RPS6KA5: variants seen among roughly 807,000 people sequenced by gnomAD.
The protein encoded by RPS6KA5 is ribosomal protein S6 kinase alpha-5.
Under a neutral mutation model 85.5 loss-of-function variants are expected in RPS6KA5, and 27 were observed. That is an observed-to-expected ratio of 0.32 (90% CI 0.23 to 0.44). The LOEUF is 0.44. RPS6KA5 is among the 20% of genes least tolerant of loss of function. RPS6KA5 has a pLI of 1.00. For synonymous variants in RPS6KA5, 334 were observed against 348.2 expected, an observed-to-expected ratio of 0.96 and a Z score of 0.46; for missense variants, 811 against 980.9, an observed-to-expected ratio of 0.83 and a Z score of 2.31.
At chr14:91,025,811 T>TAA (rs71117398) in intron 1 of RPS6KA5, among the ~76,000 whole-genome samples, 2,905 of 143,550 alleles carry the variant, frequency 0.02, 65 homozygotes, top group African/African-American at 0.066. Flanking sequence ...CTTTTTCTCT[T>TAA]AAAAAAAAAA....
chr14:91,003,377 T>C (rs932920447), intron 1 of RPS6KA5, among the ~76,000 whole-genome samples: 1 of 152,228 alleles, frequency 6.6e-6, no homozygotes, highest in African/African-American at 2.4e-5. Flanking sequence ...ATAAATTAAT[T>C]ACACTTTCTT....
At position 90,925,958 on chromosome 14, in the gene RPS6KA5, A is replaced by G. The variant is rs867031558; in HGVS notation, c.619-2762T>C. Among the ~76,000 whole-genome samples the G allele has an allele frequency of 6.3e-3, 940 of 149,502 alleles. 9 individuals are homozygous for G. The highest frequency in any genetic ancestry group is 0.021 in the African/African-American group (834 of 40,138). ...CCCTGACTCAAAAAAAAAAAAAAAA[A>G]AAAAGAAAAGAAAAGAAGAAAAAGA... is the stretch of plus-strand genomic sequence containing the variant. On this transcript the variant is annotated intron_variant, in intron 5 of 16. Transcript: ENST00000614987.
chr14:90,900,291 A>C (rs761621199), intron 10 of RPS6KA5, 50 bp from the exon 11 acceptor site: 1 of 1,361,206 alleles, frequency 7.3e-7, no homozygotes, highest in Non-Finnish European at 9.9e-7. Context: ...AGTAATACAC[A>C]AAGGATCAAT....
intron 1 of RPS6KA5, among the ~76,000 whole-genome samples, chr14:91,035,915 C>T (rs1411782919): frequency 8.2e-6 from 1 of 121,500 alleles, no homozygotes; most frequent in Non-Finnish European, 1.7e-5. Flanking sequence ...ATACAACACT[C>T]CAAACTGAAT....
intron 7 of RPS6KA5, among the ~76,000 whole-genome samples, chr14:90,915,380 T>G (rs1372871344): frequency 2.0e-5 from 3 of 152,212 alleles, no homozygotes; most frequent in African/African-American, 7.2e-5. Context: ...AGGCATCCCA[T>G]CTTCCTAGTG....
At chr14:90,900,050 T>C in intron 11 of RPS6KA5, 58 bp downstream of exon 11, 1 of 1,371,050 alleles carries the variant, frequency 7.3e-7, no homozygotes, top group Non-Finnish European at 9.8e-7. Context: ...TAAATATCTT[T>C]TAATTTACAG....
At chr14:90,968,333 G>A (rs2039168256) in intron 3 of RPS6KA5, among the ~76,000 whole-genome samples, 1 of 152,006 alleles carries the variant, frequency 6.6e-6, no homozygotes, top group African/African-American at 2.4e-5. Context: ...AAGGACCCTT[G>A]TGGTTACATT....
intron 3 of RPS6KA5, among the ~76,000 whole-genome samples, chr14:90,967,593 A>G (rs551155665): frequency 3.3e-5 from 5 of 152,348 alleles, no homozygotes; most frequent in Admixed American, 1.3e-4. Context: ...AAGTACTACC[A>G]GGGTCTAATT....
intron 5 of RPS6KA5, among the ~76,000 whole-genome samples, chr14:90,931,506 TTTTTG>T (rs1334233400): frequency 1.3e-5 from 2 of 152,166 alleles, no homozygotes; most frequent in Non-Finnish European, 2.9e-5. Flanking sequence ...AAGATGGCAA[TTTTTG>T]TTTTGTGTTT....
chr14:90,911,315 C>T (rs2035806079), intron 7 of RPS6KA5: 1 of 152,228 alleles, frequency 6.6e-6, no homozygotes, highest in Non-Finnish European at 1.5e-5. Flanking sequence ...CTTGCCCACT[C>T]AGGACCTTTC....
Position 90,894,290 on chromosome 14 carries a change from T to C in RPS6KA5, c.1644+123A>G, listed in dbSNP as rs1338722277. Reference sequence around the variant, plus strand: ...CATCAAAGAAACGTATTTTCAATTATCTATTTAACAGCCTTGAAAAGTAAA... The same window carrying C: ...CATCAAAGAAACGTATTTTCAATTACCTATTTAACAGCCTTGAAAAGTAAA... On this transcript the variant is annotated intron_variant, in intron 13 of 16. Transcript: ENST00000614987. The C allele has an allele frequency of 7.7e-6, 10 of 1,303,466 alleles. No homozygotes were observed. The East Asian group carries it at 1.4e-4, about 18-fold the overall frequency. 80.7% of individuals were successfully genotyped at this position (1,303,466 alleles called of 1,614,324 possible).
At chr14:90,921,176 G>A (rs1441313702) in intron 6 of RPS6KA5, among the ~76,000 whole-genome samples, 1 of 152,126 alleles carries the variant, frequency 6.6e-6, no homozygotes, top group Non-Finnish European at 1.5e-5. Context: ...AATTTCCAGG[G>A]CCTAAGTTTC....
At chr14:90,896,955 T>C (rs1400969821) in intron 12 of RPS6KA5, among the ~76,000 whole-genome samples, 1 of 152,106 alleles carries the variant, frequency 6.6e-6, no homozygotes, top group African/African-American at 2.4e-5. Context: ...ACTCCTGACC[T>C]CAAGTGATCC....
At chr14:90,975,510 C>T (rs1475331687) in intron 3 of RPS6KA5, among the ~76,000 whole-genome samples, 1 of 152,180 alleles carries the variant, frequency 6.6e-6, no homozygotes, top group Non-Finnish European at 1.5e-5. Context: ...CAGGGGCACA[C>T]ATGCGTAGGG....
At chr14:90,943,797 A>G (rs146305772) in intron 4 of RPS6KA5, among the ~76,000 whole-genome samples, 2 of 152,190 alleles carry the variant, frequency 1.3e-5, no homozygotes, top group Non-Finnish European at 2.9e-5. Context: ...CTTAAACATA[A>G]AGGTTGAAGA....
In RPS6KA5 at chr14:90,867,887, C is replaced by T. The variant is rs1403068157; in HGVS notation, c.*4187G>A. 1.3e-5 allele frequency: 2 copies of T among 151,986 alleles called. No homozygotes were observed. The highest frequency in any genetic ancestry group is 2.9e-5 in the Non-Finnish European group (2 of 67,958). The allele number at this position is 151,986 out of a possible 1,614,324, so 9.4% of individuals were successfully genotyped here. A position where few individuals can be genotyped will look rare whatever the true frequency, so the allele number is the denominator to read the frequency against. ...GGACAACAGCCTTGTGTAGGGGAAGCATTTGGAATGGTAATCAACTACTTA... is the reference window on the plus strand; with the variant it reads ...GGACAACAGCCTTGTGTAGGGGAAGTATTTGGAATGGTAATCAACTACTTA... On this transcript the variant is annotated 3_prime_UTR_variant, in exon 17 of 17. Transcript: ENST00000614987.
intron 13 of RPS6KA5, 25 bp downstream of exon 13, chr14:90,894,388 C>G: frequency 6.3e-7 from 1 of 1,575,968 alleles, no homozygotes; most frequent in Non-Finnish European, 8.7e-7. Flanking sequence ...GACTGAATTA[C>G]GTAAGAGATC....
intron 15 of RPS6KA5, 152 bp downstream of exon 15, chr14:90,875,049 A>G: frequency 1.4e-6 from 1 of 732,292 alleles, no homozygotes; most frequent in South Asian, 2.0e-5. Flanking sequence ...ATGTTCTGAT[A>G]AGAAAACAAG....
chr14:90,879,296 C>A (rs2033676795), intron 14 of RPS6KA5, among the ~76,000 whole-genome samples: 1 of 152,236 alleles, frequency 6.6e-6, no homozygotes, highest in South Asian at 2.1e-4. Flanking sequence ...GTCTTGGATG[C>A]ACTAACACTT....
Sources: allele counts gnomAD v4.1 joint callset (sites outside exome capture counted in the v4.1 genomes callset), GRCh38; gene constraint gnomAD v4.1.1; transcripts MANE v1.5; gene names NCBI Gene and HGNC (gene_info 2026-07-23, HGNC 2026-07-21).